Variants in MRE11 observed in about 807,000 individuals in gnomAD.
The protein encoded by MRE11 is MRE11 double strand break repair nuclease.
MRE11 carries 62 observed loss-of-function variants against 91.7 expected under a neutral mutation model. The observed-to-expected ratio is 0.68, with a 90% confidence interval of 0.55 to 0.84. The LOEUF (loss-of-function observed/expected upper bound fraction) is 0.84, where lower values mean the gene tolerates loss of function less well. Ranked by LOEUF, MRE11 falls within the 40% of genes least tolerant of loss-of-function variation. The probability of loss-of-function intolerance (pLI) is 0.00; values close to 1 mark genes in which losing one functional copy is unlikely to be tolerated. For synonymous variants in MRE11, 273 were observed against 271.4 expected (o/e 1.01, Z -0.06); for missense variants, 796 against 852.9 (o/e 0.93, Z 0.83).
chr11:94,424,969 G>A (rs535744415), intron 19 of MRE11, among the ~76,000 whole-genome samples: 14 of 152,258 alleles, frequency 9.2e-5, no homozygotes, highest in Admixed American at 3.3e-4. Flanking sequence ...GTGCTAGAAA[G>A]GTTGACATGC....
chr11:94,457,026 T>G (rs1336906826), intron 13 of MRE11, among the ~76,000 whole-genome samples: 30 of 152,168 alleles, frequency 2.0e-4, no homozygotes, highest in Non-Finnish European at 1.5e-5. Flanking sequence ...GACAAAAAGC[T>G]GCTCTCATGG....
chr11:94,454,201 G>A (rs1254237957), intron 14 of MRE11, among the ~76,000 whole-genome samples: 4 of 151,596 alleles, frequency 2.6e-5, no homozygotes, highest in African/African-American at 9.7e-5. Context: ...AGTCTCCTGA[G>A]TAGCTGGGAC....
chr11:94,465,281 T>C (rs959223755), intron 10 of MRE11, among the ~76,000 whole-genome samples: 1 of 152,188 alleles, frequency 6.6e-6, no homozygotes. Context: ...TTAGTTTTAA[T>C]GCTGTGAGGC....
At chr11:94,506,455 A>G in the MRE11 span, among the ~76,000 whole-genome samples, 1 of 151,852 alleles carries the variant, frequency 6.6e-6, no homozygotes, top group African/African-American at 2.4e-5. Context: ...AATTGGAAAC[A>G]AAAAAAATCA....
chr11:94,429,204 G>A (rs1467255562), intron 19 of MRE11, among the ~76,000 whole-genome samples: 1 of 152,186 alleles, frequency 6.6e-6, no homozygotes, highest in East Asian at 1.9e-4. Flanking sequence ...ATGCTAGTGA[G>A]GTTGTCAGAA....
chr11:94,502,056 T>C, the MRE11 span, among the ~76,000 whole-genome samples: 1 of 152,188 alleles, frequency 6.6e-6, no homozygotes, highest in South Asian at 2.1e-4. Context: ...TCTGTGACAA[T>C]ATTAATAGCT....
Position 94,419,465 on chromosome 11 carries a change from G to GGAGGGAGAGAGA in MRE11, c.*659_*660insTCTCTCTCCCTC, listed in dbSNP as rs1554996392. On this transcript the variant is annotated 3_prime_UTR_variant, in exon 20 of 20. Transcript: ENST00000323929. The stretch of plus-strand genomic sequence containing the variant: ...GAAGAGTGGGGAACGGGGGGGAGAG[G>GGAGGGAGAGAGA]GAGAGAGAGAGAGAGAGAGAGAGAG... The GGAGGGAGAGAGA allele has an allele frequency of 5.1e-6, 1 of 196,750 alleles. No homozygotes were observed. The highest frequency in any genetic ancestry group is 9.9e-6 in the Non-Finnish European group (1 of 100,746). The allele number at this position is 196,750 out of a possible 1,614,324, so 12.2% of individuals were successfully genotyped here.
chr11:94,501,461 T>A, the MRE11 span, among the ~76,000 whole-genome samples: 497 of 152,244 alleles, frequency 3.3e-3, 2 homozygotes, highest in African/African-American at 0.011. Context: ...GAAATTAATT[T>A]TATATATATA....
At chr11:94,476,018 T>C (rs1946844272) in intron 7 of MRE11, among the ~76,000 whole-genome samples, 1 of 152,178 alleles carries the variant, frequency 6.6e-6, no homozygotes. Flanking sequence ...GATAAAGGAA[T>C]GGATAATCCA....
intron 19 of MRE11, among the ~76,000 whole-genome samples, chr11:94,422,821 C>A (rs1945208872): frequency 6.6e-6 from 1 of 151,988 alleles, no homozygotes; most frequent in Admixed American, 6.6e-5. Context: ...TCAAGCGATT[C>A]TCCTGCCTCA....
At chr11:94,466,584 A>C (rs893000393) in intron 10 of MRE11, 5 of 471,372 alleles carry the variant, frequency 1.1e-5, no homozygotes, top group Non-Finnish European at 2.2e-5. Flanking sequence ...CCTAATACAA[A>C]CCAAGGGATA....
At chr11:94,494,384 A>T (rs36224993), upstream of MRE11, among the ~76,000 whole-genome samples, 173 of 152,354 alleles carry the variant, frequency 1.1e-3, no homozygotes, top group African/African-American at 3.8e-3. Flanking sequence ...TGTATAGTGC[A>T]GCGAAAAATA....
At chr11:94,441,352 A>T (rs1429364719) in intron 16 of MRE11, among the ~76,000 whole-genome samples, 1 of 152,222 alleles carries the variant, frequency 6.6e-6, no homozygotes, top group Non-Finnish European at 1.5e-5. Flanking sequence ...AATTTAGCTT[A>T]AAGTGGTCTA....
intron 10 of MRE11, among the ~76,000 whole-genome samples, chr11:94,465,395 CTTTT>C (rs752729940): frequency 7.0e-5 from 9 of 127,956 alleles, no homozygotes; most frequent in Middle Eastern, 3.6e-3. Context: ...CTCTCTCTCT[CTTTT>C]TTTTTTTTTT....
At chr11:94,444,484 G>C (rs1376636953) in intron 16 of MRE11, among the ~76,000 whole-genome samples, 1 of 152,174 alleles carries the variant, frequency 6.6e-6, no homozygotes, top group African/African-American at 2.4e-5. Flanking sequence ...GGAAAAGAAG[G>C]ATGAGAAAAG....
At position 94,492,866 on chromosome 11, in the gene MRE11, C is replaced by T. The variant is rs1947326041; in HGVS notation, c.-65G>A. On this transcript the variant is annotated 5_prime_UTR_variant, in exon 2 of 20. Transcript: ENST00000323929. ...TCCAAGAACCCCTGGGTACTGTACT[C>T]AAATGTCAGAAAATGCACTCGATTC... The T allele has an allele frequency of 1.4e-6, 2 of 1,453,608 alleles. No individual in the cohort carries two copies. The highest frequency in any genetic ancestry group is 9.5e-7 in the Non-Finnish European group (1 of 1,047,282). 90.0% of individuals were successfully genotyped at this position (1,453,608 alleles called of 1,614,324 possible).
intron 19 of MRE11, among the ~76,000 whole-genome samples, chr11:94,429,296 C>T (rs1465735503): frequency 6.6e-6 from 1 of 152,140 alleles, no homozygotes; most frequent in African/African-American, 2.4e-5. Context: ...GAACTTAAAA[C>T]AGAGCTACGA....
chr11:94,430,651 G>A (rs532440466), intron 18 of MRE11, among the ~76,000 whole-genome samples: 6 of 151,652 alleles, frequency 4.0e-5, no homozygotes, highest in Non-Finnish European at 5.9e-5. Context: ...TAGTAGAGAC[G>A]GGGTTTCACC....
intron 7 of MRE11, chr11:94,473,054 G>C (rs1946758804): frequency 6.6e-6 from 1 of 152,078 alleles, no homozygotes; most frequent in Non-Finnish European, 1.5e-5. Context: ...AGAGAACTGA[G>C]ATGAAGCATC....
Sources: gnomAD v4.1 joint callset for allele counts (sites outside exome capture counted in the v4.1 genomes callset) on GRCh38, gnomAD v4.1.1 for gene constraint, MANE v1.5 for transcripts, NCBI Gene and HGNC (gene_info 2026-07-23, HGNC 2026-07-21) for gene names.